SLC38A4: variants seen among roughly 807,000 people sequenced by gnomAD.
SLC38A4 encodes sodium-coupled neutral amino acid transporter 4.
In SLC38A4, 20 loss-of-function variants were observed where a neutral mutation model predicts 63.1. The ratio of observed to expected loss-of-function variants is 0.32; its 90% CI spans 0.22 to 0.46. The LOEUF (loss-of-function observed/expected upper bound fraction) is 0.46. SLC38A4 is among the 20% of genes least tolerant of loss of function. SLC38A4 has a pLI of 1.00. For synonymous variants in SLC38A4, 230 were observed against 225.5 expected (o/e 1.02, Z -0.18); for missense variants, 526 against 663.6 (o/e 0.79, Z 2.28).
At position 46,790,447 on chromosome 12, in the gene SLC38A4, A is replaced by G. The variant is rs1027634802; in HGVS notation, c.120-1829T>C. Reference sequence around the variant, plus strand: ...CCACCACTCTTTTGTGGTTTACATTAATGGTCTGTAATTAATGTACCTGCT... The same window carrying G: ...CCACCACTCTTTTGTGGTTTACATTGATGGTCTGTAATTAATGTACCTGCT... On this transcript the variant is annotated intron_variant, in intron 3 of 16. Coordinates refer to ENST00000266579, the MANE Select transcript of SLC38A4 (RefSeq NM_018018.5). Among the ~76,000 whole-genome samples, 46 of 152,082 alleles carry G rather than the reference A, an allele frequency of 3.0e-4. 1 individual carries two copies. Among genetic ancestry groups the G allele is most frequent in the Non-Finnish European group, 1.3e-4 (9 of 68,012 alleles).
chr12:46,768,219 A>T, intron 16 of SLC38A4, 91 bp downstream of exon 16: 1 of 942,522 alleles, frequency 1.1e-6, no homozygotes, highest in Admixed American at 2.8e-5. Flanking sequence ...TTGTACATTG[A>T]TTCATTTTTC....
At chr12:46,783,020 A>ATGTGTGTGTGTGTGTGTG (rs71437771) in intron 7 of SLC38A4, among the ~76,000 whole-genome samples, 122 of 103,754 alleles carry the variant, frequency 1.2e-3, no homozygotes, top group African/African-American at 2.3e-3. Context: ...GAGAGAGAAA[A>ATGTGTGTGTGTGTGTGTG]TGTGTGTGTG....
intron 1 of SLC38A4, among the ~76,000 whole-genome samples, chr12:46,818,133 G>C (rs530909638): frequency 6.6e-6 from 1 of 151,850 alleles, no homozygotes; most frequent in Non-Finnish European, 1.5e-5. Context: ...ACATGTAAGT[G>C]TGACCTTCAT....
At chr12:46,792,886 A>G (rs1938919322) in intron 3 of SLC38A4, 67 bp downstream of exon 3, 1 of 1,133,806 alleles carries the variant, frequency 8.8e-7, no homozygotes, top group Non-Finnish European at 1.3e-6. Flanking sequence ...TCCCATCAAG[A>G]CCCTGTTTTC....
chr12:46,784,819 A>G (rs1478758511), intron 6 of SLC38A4, among the ~76,000 whole-genome samples, 185 bp from the exon 7 acceptor site: 1 of 152,128 alleles, frequency 6.6e-6, no homozygotes, highest in East Asian at 1.9e-4. Flanking sequence ...AACAAGAATC[A>G]ATGGTTTTAT....
In SLC38A4 at chr12:46,793,700, G is replaced by T. The variant is rs564702934; in HGVS notation, c.-112-517C>A. On this transcript the variant is annotated intron_variant, in intron 2 of 16. Transcript: ENST00000266579. ...CTTGATAATATGCAACATAGGTGAG[G>T]ATCAAGTTTAGGAAGTAACTTTCTA... Among the ~76,000 whole-genome samples the T allele has an allele frequency of 1.6e-4, 24 of 152,270 alleles. No individual in the cohort carries two copies. The South Asian group carries it at 4.6e-3, about 29-fold the overall frequency.
Position 46,771,968 on chromosome 12 carries a change from T to C in SLC38A4, c.1300-2540A>G, listed in dbSNP as rs1938424766. ...ATCCAGGGCCTCTGACCCACAATGA[T>C]TCCATTAAGGTTCTATGCAGCTCTA... On this transcript the variant is annotated intron_variant, in intron 14 of 16. Transcript: ENST00000266579. Among the ~76,000 whole-genome samples, 6 of 152,058 alleles carry C rather than the reference T, an allele frequency of 3.9e-5. No homozygotes were observed. The South Asian group carries it at 1.2e-3, about 32-fold the overall frequency.
chr12:46,811,073 A>G (rs1939331665), intron 1 of SLC38A4, among the ~76,000 whole-genome samples: 1 of 152,072 alleles, frequency 6.6e-6, no homozygotes, highest in Non-Finnish European at 1.5e-5. Flanking sequence ...ATGTTGTGAG[A>G]TAATCAGTTT....
intron 1 of SLC38A4, among the ~76,000 whole-genome samples, chr12:46,815,272 T>C (rs868165941): frequency 3.4e-4 from 22 of 65,100 alleles, no homozygotes; most frequent in East Asian, 1.2e-3. Flanking sequence ...TATATATATA[T>C]ATATATATAT....
At chr12:46,793,698 A>G (rs1261955615) in intron 2 of SLC38A4, among the ~76,000 whole-genome samples, 2 of 152,194 alleles carry the variant, frequency 1.3e-5, no homozygotes, top group East Asian at 3.9e-4. Flanking sequence ...AACATAGGTG[A>G]GGATCAAGTT....
chr12:46,818,151 G>A (rs1939476696), intron 1 of SLC38A4, among the ~76,000 whole-genome samples: 1 of 151,758 alleles, frequency 6.6e-6, no homozygotes, highest in South Asian at 2.1e-4. Flanking sequence ...CATAATCCAT[G>A]CTAGCATTTG....
intron 2 of SLC38A4, among the ~76,000 whole-genome samples, chr12:46,802,668 A>G (rs1450964244): frequency 2.0e-5 from 3 of 152,018 alleles, no homozygotes; most frequent in Non-Finnish European, 4.4e-5. Context: ...GCAATCTTTT[A>G]TTAAAAACAC....
intron 1 of SLC38A4, among the ~76,000 whole-genome samples, chr12:46,820,412 T>C (rs1358279118): frequency 2.0e-5 from 3 of 152,000 alleles, no homozygotes; most frequent in South Asian, 2.1e-4. Context: ...CTTCATATAA[T>C]TGGAGTCATG....
At chr12:46,819,763 C>G (rs1939505053) in intron 1 of SLC38A4, among the ~76,000 whole-genome samples, 1 of 151,766 alleles carries the variant, frequency 6.6e-6, no homozygotes, top group Non-Finnish European at 1.5e-5. Context: ...GAAAAATTTC[C>G]CAATTGAAAA....
intron 15 of SLC38A4, 38 bp from the exon 16 acceptor site, chr12:46,768,445 C>T: frequency 1.3e-6 from 2 of 1,488,762 alleles, no homozygotes; most frequent in Non-Finnish European, 1.9e-6. Context: ...AATGTCTTAC[C>T]CAGCAGTTCC....
intron 1 of SLC38A4, among the ~76,000 whole-genome samples, chr12:46,804,101 A>T (rs1342411427): frequency 6.6e-6 from 1 of 152,060 alleles, no homozygotes; most frequent in Non-Finnish European, 1.5e-5. Flanking sequence ...GAAAATATTG[A>T]TTACATAGTG....
At chr12:46,775,882 T>C (rs1161900564) in intron 13 of SLC38A4, among the ~76,000 whole-genome samples, 1 of 151,936 alleles carries the variant, frequency 6.6e-6, no homozygotes, top group Admixed American at 6.6e-5. Flanking sequence ...CGTAGTTGGA[T>C]TTTCACCTCA....
intron 16 of SLC38A4, 117 bp downstream of exon 16, chr12:46,768,193 T>G: frequency 1.4e-6 from 1 of 697,514 alleles, no homozygotes; most frequent in Non-Finnish European, 2.3e-6. Context: ...TCTAGCCCAG[T>G]TTTGATTTTT....
intron 1 of SLC38A4, among the ~76,000 whole-genome samples, chr12:46,822,402 G>A (rs911580432): frequency 2.0e-5 from 3 of 152,046 alleles, no homozygotes; most frequent in African/African-American, 7.2e-5. Context: ...CTAGTTGATA[G>A]GCATAAAGGG....
Sources: allele counts gnomAD v4.1 joint callset (sites outside exome capture counted in the v4.1 genomes callset), GRCh38; gene constraint gnomAD v4.1.1; transcripts MANE v1.5; gene names NCBI Gene and HGNC (gene_info 2026-07-23, HGNC 2026-07-21).